The following SDK1 variants were observed in gnomAD, a reference collection of about 807,000 sequenced individuals.
The protein encoded by SDK1 is protein sidekick-1.
A neutral mutation model predicts 245.5 loss-of-function variants in SDK1; 157 were observed. The ratio of observed to expected loss-of-function variants is 0.64; its 90% CI spans 0.56 to 0.73. SDK1 has a LOEUF of 0.73. SDK1 is among the 30% of genes least tolerant of loss of function. SDK1 has a pLI of 0.00. For missense variants in SDK1, 3,583 were observed against 3,002.3 expected (o/e 1.19, Z -4.52); for synonymous variants, 1,647 against 1,278.5 (o/e 1.29, Z -6.15).
intron 1 of SDK1, among the ~76,000 whole-genome samples, chr7:3,503,162 A>ATATTTAAAT (rs1352284514): frequency 2.0e-5 from 3 of 152,212 alleles, no homozygotes; most frequent in African/African-American, 7.2e-5. Flanking sequence ...TTATCACAAA[A>ATATTTAAAT]TATTTAAATT....
intron 1 of SDK1, among the ~76,000 whole-genome samples, chr7:3,608,872 A>C (rs1329522494): frequency 1.3e-5 from 2 of 152,234 alleles, no homozygotes; most frequent in African/African-American, 2.4e-5. Context: ...CTGTTTGAAA[A>C]GGCAATTAAA....
chr7:3,470,449 A>G (rs1015920924), intron 1 of SDK1, among the ~76,000 whole-genome samples: 1 of 152,220 alleles, frequency 6.6e-6, no homozygotes. Context: ...AATTTTTGAT[A>G]CACTATTTTG....
chr7:3,696,649 T>G (rs2115001897), intron 4 of SDK1, among the ~76,000 whole-genome samples: 1 of 152,168 alleles, frequency 6.6e-6, no homozygotes, highest in East Asian at 1.9e-4. Flanking sequence ...AATTGTATCT[T>G]ATGTAATTAT....
intron 13 of SDK1, among the ~76,000 whole-genome samples, chr7:3,979,970 T>C (rs1488884774): frequency 6.6e-6 from 1 of 152,164 alleles, no homozygotes; most frequent in Non-Finnish European, 1.5e-5. Context: ...CCCTGAGGCA[T>C]TGGGAGAGGT....
chr7:3,710,794 T>C (rs1404266673), intron 4 of SDK1, among the ~76,000 whole-genome samples: 1 of 152,266 alleles, frequency 6.6e-6, no homozygotes, highest in East Asian at 1.9e-4. Context: ...GGAAAATTCC[T>C]TCAGGATGTT....
chr7:3,698,510 C>G (rs1433115949), intron 4 of SDK1, among the ~76,000 whole-genome samples: 1 of 152,154 alleles, frequency 6.6e-6, no homozygotes, highest in African/African-American at 2.4e-5. Context: ...CCTCCTCACT[C>G]AGAGCGTCAG....
intron 4 of SDK1, among the ~76,000 whole-genome samples, chr7:3,694,799 G>C (rs1187393483): frequency 6.6e-6 from 1 of 152,116 alleles, no homozygotes; most frequent in Non-Finnish European, 1.5e-5. Context: ...GTAAGTTTGT[G>C]AACCATTGCA....
In SDK1 at chr7:4,032,960, A is replaced by G. The variant is rs574812834; in HGVS notation, c.2602+15608A>G. Among the ~76,000 whole-genome samples the G allele has an allele frequency of 5.9e-5, 9 of 152,260 alleles. 1 individual carries two copies. In the South Asian group the frequency reaches 1.9e-3, roughly 32 times the overall value. On this transcript the variant is annotated intron_variant, in intron 17 of 44. Coordinates refer to ENST00000404826, the MANE Select transcript of SDK1 (RefSeq NM_152744.4). ...AACAGATTTTTTTCTGGAGCTAGAA[A>G]AGTTAATTTAAAATTCATTCATAAA...
At chr7:3,557,285 C>T (rs188624592) in intron 1 of SDK1, among the ~76,000 whole-genome samples, 3 of 152,164 alleles carry the variant, frequency 2.0e-5, no homozygotes, top group African/African-American at 7.2e-5. Context: ...CCTAAAGCCA[C>T]TAAAGGACTC....
chr7:3,582,989 C>T lies in SDK1; in HGVS notation c.299-36091C>T, dbSNP rs549785142. Among the ~76,000 whole-genome samples, 3 of 152,302 alleles carry T rather than the reference C, an allele frequency of 2.0e-5. No individual in the cohort carries two copies. In the South Asian group the frequency reaches 6.2e-4, roughly 32 times the overall value. On this transcript the variant is annotated intron_variant, in intron 1 of 44. Transcript: ENST00000404826. ...CATGCATCTAGAACTCCGAAGTGTGCTGCAGAGTGCATTCCCAAGTCCTTC... is the reference window on the plus strand; with the variant it reads ...CATGCATCTAGAACTCCGAAGTGTGTTGCAGAGTGCATTCCCAAGTCCTTC...
At chr7:3,553,749 A>T (rs1779491136) in intron 1 of SDK1, among the ~76,000 whole-genome samples, 1 of 152,164 alleles carries the variant, frequency 6.6e-6, no homozygotes, top group African/African-American at 2.4e-5. Context: ...CTTTGTCCTC[A>T]TGCACCTAAG....
chr7:3,619,283 T>C (rs1562607098), intron 2 of SDK1, 44 bp downstream of exon 2: 1 of 1,551,972 alleles, frequency 6.4e-7, no homozygotes, highest in African/African-American at 1.4e-5. Context: ...TCAGTTGATG[T>C]GTTTGGAATA....
At chr7:3,468,671 G>A (rs1365907501) in intron 1 of SDK1, among the ~76,000 whole-genome samples, 1 of 152,140 alleles carries the variant, frequency 6.6e-6, no homozygotes, top group Non-Finnish European at 1.5e-5. Flanking sequence ...GAGAGGCCAG[G>A]AAGAATCCTG....
At chr7:3,529,818 C>T (rs1322246017) in intron 1 of SDK1, among the ~76,000 whole-genome samples, 1 of 152,126 alleles carries the variant, frequency 6.6e-6, no homozygotes, top group Non-Finnish European at 1.5e-5. Context: ...ACATCACGTG[C>T]CTCCCAAGGA....
In SDK1 at chr7:4,267,451, C is replaced by G; in HGVS notation, c.*2067C>G. On this transcript the variant is annotated 3_prime_UTR_variant, in exon 45 of 45. Transcript: ENST00000404826. ...CATGAGAATCGCAACCCACAGTTCCCCGGATGAGACTCACCACAGTGGACA... is the reference window on the plus strand; with the variant it reads ...CATGAGAATCGCAACCCACAGTTCCGCGGATGAGACTCACCACAGTGGACA... 1 of 985,464 alleles carries G rather than the reference C, an allele frequency of 1.0e-6. No individual in the cohort carries two copies. The highest frequency in any genetic ancestry group is 1.2e-6 in the Non-Finnish European group (1 of 829,976). 61.0% of individuals were successfully genotyped at this position (985,464 alleles called of 1,614,324 possible). A position where few individuals can be genotyped will look rare whatever the true frequency, so the allele number is the denominator to read the frequency against.
intron 1 of SDK1, among the ~76,000 whole-genome samples, chr7:3,571,486 G>A (rs566972832): frequency 1.3e-5 from 2 of 151,724 alleles, no homozygotes; most frequent in Admixed American, 6.6e-5. Context: ...AATTTTTTTT[G>A]TACAGACAGG....
intron 44 of SDK1, among the ~76,000 whole-genome samples, chr7:4,257,993 C>T (rs1271046007): frequency 6.6e-6 from 1 of 152,202 alleles, no homozygotes; most frequent in African/African-American, 2.4e-5. Flanking sequence ...ACACAAACAA[C>T]AGGAATCACT....
At chr7:3,457,964 G>T (rs1323630831) in intron 1 of SDK1, among the ~76,000 whole-genome samples, 2 of 152,166 alleles carry the variant, frequency 1.3e-5, no homozygotes, top group African/African-American at 4.8e-5. Context: ...ACTTGTCTAG[G>T]TAAAAAGTTC....
chr7:3,620,040 C>T (rs1029666325), intron 2 of SDK1, among the ~76,000 whole-genome samples: 48 of 152,210 alleles, frequency 3.2e-4, no homozygotes, highest in African/African-American at 1.2e-3. Flanking sequence ...GCCTCACCAT[C>T]AGCAAATCAG....
Sources: gnomAD v4.1 joint callset for allele counts (sites outside exome capture counted in the v4.1 genomes callset) on GRCh38, gnomAD v4.1.1 for gene constraint, MANE v1.5 for transcripts, NCBI Gene and HGNC (gene_info 2026-07-23, HGNC 2026-07-21) for gene names.